BANP: variants seen among roughly 807,000 people sequenced by gnomAD.
BANP encodes the protein protein BANP.
In BANP, 11 loss-of-function variants were observed where a neutral mutation model predicts 68.1. The observed-to-expected ratio is 0.16, with a 90% CI of 0.10 to 0.27. The LOEUF is 0.27. Among genes scored for constraint, BANP ranks in the 10% least tolerant of loss-of-function variants. BANP has a pLI of 1.00. For missense variants in BANP, 504 were observed against 722.7 expected (o/e 0.70, Z 3.47); for synonymous variants, 329 against 303.2 (o/e 1.09, Z -0.88).
rs369246788 is a variant in BANP, at chr16:88,072,115, C to T, written c.1424C>T (p.Ala475Val). The change falls in exon 13 of 14, where the codon GCG (alanine) becomes GTG (valine). Residue 475 changes from alanine to valine, a missense_variant. By Grantham distance (64) the Ala-to-Val change is moderately conservative. This residue lies in a region of BANP where 223 missense variants were observed against 246.2 expected (regional missense o/e 0.91). Transcript: ENST00000682872. ...QLIAVASSDP[A>V]AAGVDGSPLQ... Reference sequence around the variant, plus strand: ...ATCGCCGTGGCCTCCTCGGACCCCGCGGCGGCGGGCGTGGATGGGTCGCCA... The same window carrying T: ...ATCGCCGTGGCCTCCTCGGACCCCGTGGCGGCGGGCGTGGATGGGTCGCCA... 1.4e-5 allele frequency: 23 copies of T among 1,605,590 alleles called. No individual in the cohort carries two copies. The highest frequency in any genetic ancestry group is 6.7e-5 in the East Asian group (3 of 44,562).
At chr16:87,953,157 G>T (rs2057326612) in intron 1 of BANP, among the ~76,000 whole-genome samples, 1 of 151,736 alleles carries the variant, frequency 6.6e-6, no homozygotes, top group South Asian at 2.1e-4. Context: ...TACAGAGCCA[G>T]GGTTCGAATT....
chr16:88,035,748 C>G (rs950923926), intron 10 of BANP, among the ~76,000 whole-genome samples: 1 of 152,340 alleles, frequency 6.6e-6, no homozygotes, highest in East Asian at 1.9e-4. Flanking sequence ...TGGGGTCTGC[C>G]CCTGCGTAGG....
chr16:88,060,244 G>A (rs1031614992), intron 11 of BANP, among the ~76,000 whole-genome samples: 4 of 152,370 alleles, frequency 2.6e-5, no homozygotes, highest in Admixed American at 6.5e-5. Context: ...ACCGCCGTGC[G>A]TTGCCCTCCG....
At chr16:88,014,272 G>C (rs77683248) in intron 6 of BANP, among the ~76,000 whole-genome samples, 2,297 of 152,270 alleles carry the variant, frequency 0.015, 55 homozygotes, top group African/African-American at 0.049. Flanking sequence ...TGGGTGCACT[G>C]GGTCTGGACA....
intron 11 of BANP, among the ~76,000 whole-genome samples, chr16:88,061,965 C>T (rs1362817400): frequency 2.0e-5 from 3 of 152,182 alleles, no homozygotes; most frequent in Non-Finnish European, 4.4e-5. Flanking sequence ...AGCCTGAGCA[C>T]CTCATTTTTC....
rs573550962 is a variant in BANP at position 87,967,254 on chromosome 16, C to CT, written c.-68-7768dup. 3.4e-3 allele frequency among the ~76,000 whole-genome samples: 361 copies of CT among 106,954 alleles called. 5 individuals are homozygous for CT. The highest frequency in any genetic ancestry group is 7.0e-3 in the African/African-American group (200 of 28,396). 70.2% of individuals were successfully genotyped at this position (106,954 alleles called of 152,430 possible). A position where few individuals can be genotyped will look rare whatever the true frequency, so the allele number is the denominator to read the frequency against. ...TCTGTACTTTTTCCTGGAAAAGGTT[C>CT]TTTTTTTTTTTTTTTTTTTTTTTTT... On this transcript the variant is annotated intron_variant, in intron 1 of 13. Transcript: ENST00000682872.
intron 11 of BANP, among the ~76,000 whole-genome samples, chr16:88,051,884 G>A (rs1020387000): frequency 6.6e-6 from 1 of 152,074 alleles, no homozygotes; most frequent in Non-Finnish European, 1.5e-5. Flanking sequence ...CCATTTCTGT[G>A]GTATCGTTTG....
intron 1 of BANP, among the ~76,000 whole-genome samples, chr16:87,971,208 A>G (rs2061052217): frequency 1.3e-5 from 2 of 152,032 alleles, no homozygotes; most frequent in Admixed American, 1.3e-4. Context: ...TGTACTCCCA[A>G]TTCCTCCCAG....
intron 1 of BANP, among the ~76,000 whole-genome samples, chr16:87,960,333 G>C (rs1470362830): frequency 6.6e-6 from 1 of 152,184 alleles, no homozygotes; most frequent in African/African-American, 2.4e-5. Context: ...GGATTCAGCA[G>C]CTCTTGGGAA....
At chr16:88,025,442 C>T (rs2076806037) in intron 7 of BANP, among the ~76,000 whole-genome samples, 1 of 152,154 alleles carries the variant, frequency 6.6e-6, no homozygotes, top group African/African-American at 2.4e-5. Context: ...TAGAGATGAC[C>T]CGAAAATTGG....
chr16:87,995,539 A>C (rs2066960226), intron 4 of BANP, among the ~76,000 whole-genome samples: 1 of 152,248 alleles, frequency 6.6e-6, no homozygotes, highest in South Asian at 2.1e-4. Flanking sequence ...GAGAGAATTC[A>C]TAAAAATTAG....
intron 1 of BANP, among the ~76,000 whole-genome samples, chr16:87,972,512 T>C (rs1411970401): frequency 1.3e-5 from 2 of 152,152 alleles, no homozygotes; most frequent in East Asian, 3.8e-4. Context: ...TTGCTTCTTA[T>C]TCTTTTAAGA....
chr16:88,062,159 A>G (rs2086998141), intron 11 of BANP, among the ~76,000 whole-genome samples: 1 of 152,186 alleles, frequency 6.6e-6, no homozygotes, highest in Admixed American at 6.5e-5. Flanking sequence ...CACACACTTC[A>G]GCAGTGTTCA....
intron 3 of BANP, among the ~76,000 whole-genome samples, chr16:87,983,561 T>C (rs973945422): frequency 1.3e-5 from 2 of 151,918 alleles, no homozygotes; most frequent in African/African-American, 4.8e-5. Context: ...AGCTTGCCGC[T>C]CAAGAGCCCC....
chr16:88,063,873 A>G (rs1211613550), intron 11 of BANP, among the ~76,000 whole-genome samples: 1 of 152,246 alleles, frequency 6.6e-6, no homozygotes, highest in East Asian at 1.9e-4. Flanking sequence ...GGCATACCCA[A>G]GTGGTGAATG....
chr16:87,979,626 C>G (rs2062875030), intron 2 of BANP, among the ~76,000 whole-genome samples: 1 of 152,098 alleles, frequency 6.6e-6, no homozygotes, highest in Non-Finnish European at 1.5e-5. Context: ...GGTGTTGGTG[C>G]CCTTGAAAGC....
At chr16:87,969,194 C>T (rs1238300642) in intron 1 of BANP, among the ~76,000 whole-genome samples, 1 of 150,896 alleles carries the variant, frequency 6.6e-6, no homozygotes, top group African/African-American at 2.5e-5. Context: ...TGCTGACATC[C>T]ATTCTTTTGC....
Position 88,027,569 on chromosome 16 carries a change from C to T in BANP, c.982C>T (p.Arg328Trp), listed in dbSNP as rs1370847650. 2 of 1,614,010 alleles carry T rather than the reference C, an allele frequency of 1.2e-6. No individual in the cohort carries two copies. The highest frequency in any genetic ancestry group is 8.5e-7 in the Non-Finnish European group (1 of 1,179,912). The change falls in exon 8 of 14, where the codon CGG becomes TGG. Residue 328 changes from arginine (R) to tryptophan (W), a missense_variant. Transcript: ENST00000682872. Reference protein sequence around the residue: ...SIDSKCRTAWRRKQRGQSLAV... With the variant: ...SIDSKCRTAWWRKQRGQSLAV... ...CGACTCCAAGTGCCGCACGGCGTGG[C>T]GGCGCAAGCAGCGGGGCCAGAGCCT...
At chr16:87,965,603 TGGCTGGGCGGGGCTGGGCGG>T (rs148865880) in intron 1 of BANP, among the ~76,000 whole-genome samples, 2 of 65,842 alleles carry the variant, frequency 3.0e-5, no homozygotes, top group East Asian at 4.5e-4. Context: ...AGCGTTCGCA[TGGCTGGGCGGGGCTGGGCGG>T]GGCTGGGCGG....
Sources: gnomAD v4.1 joint callset for allele counts (sites outside exome capture counted in the v4.1 genomes callset) on GRCh38, gnomAD v4.1.1 for gene constraint, gnomAD v4.1.1 regional missense constraint, MANE v1.5 for transcripts, NCBI Gene and HGNC (gene_info 2026-07-23, HGNC 2026-07-21) for gene names.